The following TMEM272 variants were observed in gnomAD, a reference collection of about 807,000 sequenced individuals.
TMEM272 encodes the protein long intergenic non-protein coding RNA 282.
In TMEM272, 8 loss-of-function variants were observed where a neutral mutation model predicts 3.7. That is an observed-to-expected ratio of 2.17 (90% CI 1.27 to 3.91). The LOEUF is 3.91. Ranked by LOEUF, TMEM272 falls within the 30% of genes most tolerant of loss-of-function variation. The pLI is 0.00. For synonymous variants in TMEM272, 63 were observed against 39.8 expected, an observed-to-expected ratio of 1.58 and a Z score of -2.20; for missense variants, 166 against 91.5, an observed-to-expected ratio of 1.81 and a Z score of -3.32.
chr13:51,896,307 C>T, the TMEM272 span, among the ~76,000 whole-genome samples: 9 of 151,778 alleles, frequency 5.9e-5, no homozygotes, highest in African/African-American at 2.2e-4. Flanking sequence ...AGCCATATAG[C>T]TCTAGAGGGG....
At chr13:51,878,168 C>T in the TMEM272 span, among the ~76,000 whole-genome samples, 1 of 152,174 alleles carries the variant, frequency 6.6e-6, no homozygotes, top group Non-Finnish European at 1.5e-5. Flanking sequence ...CGGTGGCTCA[C>T]ACCTGTAATC....
At chr13:51,927,521 G>A in the TMEM272 span, among the ~76,000 whole-genome samples, 1 of 152,156 alleles carries the variant, frequency 6.6e-6, no homozygotes. Flanking sequence ...GAAAATGATC[G>A]AATTACTGAA....
intron 2 of TMEM272, among the ~76,000 whole-genome samples, chr13:51,833,039 A>G (rs1485303763): frequency 6.6e-6 from 1 of 152,142 alleles, no homozygotes; most frequent in Non-Finnish European, 1.5e-5. Flanking sequence ...GGCCTCAAGG[A>G]GGAGGTGATA....
At chr13:51,923,545 T>A in the TMEM272 span, among the ~76,000 whole-genome samples, 4,758 of 152,050 alleles carry the variant, frequency 0.031, 233 homozygotes, top group African/African-American at 0.11. Flanking sequence ...CGGCAGCCAC[T>A]CAGATGCTTT....
At chr13:51,825,620 CTT>C (rs1241838240) in intron 3 of TMEM272, among the ~76,000 whole-genome samples, 3 of 129,338 alleles carry the variant, frequency 2.3e-5, no homozygotes, top group African/African-American at 9.1e-5. Context: ...TGAGCTGCTT[CTT>C]TTTTGTTTTT....
At chr13:51,922,717 T>C in the TMEM272 span, among the ~76,000 whole-genome samples, 3 of 152,232 alleles carry the variant, frequency 2.0e-5, no homozygotes, top group African/African-American at 7.2e-5. Flanking sequence ...AATCAAGATG[T>C]GGGCAGGGCT....
chr13:51,906,175 C>A, the TMEM272 span, among the ~76,000 whole-genome samples: 1 of 152,204 alleles, frequency 6.6e-6, no homozygotes, highest in African/African-American at 2.4e-5. Context: ...GTCAGTACCC[C>A]CTGCAAAGGT....
chr13:51,910,659 T>C, the TMEM272 span: 69,225 of 483,270 alleles, frequency 0.14, 5,888 homozygotes, highest in African/African-American at 0.29. Flanking sequence ...AAAGTAACCA[T>C]GGCCTGTCGA....
At position 51,816,714 on chromosome 13, in the gene TMEM272, C is replaced by A; in HGVS notation, c.*37G>T. The A allele has an allele frequency of 1.5e-6, 1 of 671,156 alleles. No homozygotes were observed. The highest frequency in any genetic ancestry group is 2.7e-6 in the Non-Finnish European group (1 of 366,428). 41.6% of individuals were successfully genotyped at this position (671,156 alleles called of 1,614,324 possible). A position where few individuals can be genotyped will look rare whatever the true frequency, so the allele number is the denominator to read the frequency against. Reference sequence around the variant, plus strand: ...CTGTGTGCACGCGCGTGCATGCACACGCATATGCATACATGGTATGCTGGA... The same window carrying A: ...CTGTGTGCACGCGCGTGCATGCACAAGCATATGCATACATGGTATGCTGGA... On this transcript the variant is annotated 3_prime_UTR_variant, in exon 5 of 5. Coordinates refer to ENST00000629372, the MANE Select transcript of TMEM272 (RefSeq NM_001351003.2).
chr13:51,877,531 G>C, the TMEM272 span, among the ~76,000 whole-genome samples: 1 of 152,184 alleles, frequency 6.6e-6, no homozygotes, highest in Non-Finnish European at 1.5e-5. Context: ...TCACTACAAT[G>C]AATATATTTG....
chr13:51,907,181 C>T, the TMEM272 span, among the ~76,000 whole-genome samples: 49 of 152,270 alleles, frequency 3.2e-4, no homozygotes, highest in Admixed American at 1.3e-3. Flanking sequence ...CTGTCTTGAA[C>T]GGCCTTTGAC....
the TMEM272 span, among the ~76,000 whole-genome samples, chr13:51,852,430 C>T: frequency 2.6e-5 from 4 of 152,322 alleles, no homozygotes; most frequent in East Asian, 1.9e-4. Context: ...TTTCACAAAG[C>T]CTGCTTCCAG....
Position 51,828,265 on chromosome 13 carries a change from TGTG to T in TMEM272, c.59-1643_59-1641del, listed in dbSNP as rs555126648. ...ACCTGGCTTAATCTGCAAGGTCCTT[TGTG>T]GTTTTGAATTGTCAAAGATCTAGGA... On this transcript the variant is annotated intron_variant, in intron 2 of 4. Transcript: ENST00000629372. 1.8e-3 allele frequency among the ~76,000 whole-genome samples: 274 copies of T among 152,324 alleles called. 2 individuals carry two copies. Among genetic ancestry groups the T allele is most frequent in the African/African-American group, 4.9e-3 (203 of 41,564 alleles).
In TMEM272 at chr13:51,814,457, G is replaced by A. The variant is rs1955997902; in HGVS notation, c.*2294C>T. ...GGATCTAACCTGTTTCCCCAGAAGG[G>A]GGTAATTTTGTTTTTTAGAGATGGG... On this transcript the variant is annotated 3_prime_UTR_variant, in exon 5 of 5. Coordinates refer to ENST00000629372, the MANE Select transcript of TMEM272 (RefSeq NM_001351003.2). The A allele has an allele frequency of 6.6e-6, 1 of 152,224 alleles. No individual in the cohort carries two copies. The highest frequency in any genetic ancestry group is 2.4e-5 in the African/African-American group (1 of 41,440). The allele number at this position is 152,224 out of a possible 1,614,324, so 9.4% of individuals were successfully genotyped here. A position where few individuals can be genotyped will look rare whatever the true frequency, so the allele number is the denominator to read the frequency against.
the TMEM272 span, among the ~76,000 whole-genome samples, chr13:51,878,232 C>T: frequency 0.016 from 2,413 of 152,226 alleles, 49 homozygotes; most frequent in African/African-American, 0.056. Context: ...AGATAGAGAC[C>T]ACCCTGGCTA....
At chr13:51,883,357 C>T in the TMEM272 span, among the ~76,000 whole-genome samples, 30 of 152,284 alleles carry the variant, frequency 2.0e-4, no homozygotes, top group East Asian at 9.6e-4. Flanking sequence ...TGTGACCAAA[C>T]GAATGAGGTA....
At chr13:51,819,628 T>A (rs530504252) in intron 4 of TMEM272, among the ~76,000 whole-genome samples, 1 of 152,230 alleles carries the variant, frequency 6.6e-6, no homozygotes, top group African/African-American at 2.4e-5. Flanking sequence ...ACCTCTTAAG[T>A]TAGCCAGAGT....
At chr13:51,860,804 AATAT>A in the TMEM272 span, among the ~76,000 whole-genome samples, 1 of 138,006 alleles carries the variant, frequency 7.2e-6, no homozygotes, top group African/African-American at 2.7e-5. Context: ...ATATAGAAAA[AATAT>A]ATATATAGAA....
At chr13:51,925,443 TTAAC>T in the TMEM272 span, among the ~76,000 whole-genome samples, 2 of 152,190 alleles carry the variant, frequency 1.3e-5, no homozygotes, top group Non-Finnish European at 2.9e-5. Context: ...AAAGGTGGAA[TTAAC>T]TTTTTTCTTT....
Sources: gnomAD v4.1 joint callset for allele counts (sites outside exome capture counted in the v4.1 genomes callset) on GRCh38, gnomAD v4.1.1 for gene constraint, MANE v1.5 for transcripts, NCBI Gene and HGNC (gene_info 2026-07-23, HGNC 2026-07-21) for gene names.